The following NAALADL2 variants were observed in gnomAD, a reference collection of about 807,000 sequenced individuals.
NAALADL2 encodes inactive N-acetylated-alpha-linked acidic dipeptidase-like protein 2.
NAALADL2 carries 76 observed loss-of-function variants against 87.2 expected under a neutral mutation model. The ratio of observed to expected loss-of-function variants is 0.87; its 90% CI spans 0.72 to 1.05. NAALADL2 has a LOEUF of 1.05. Among genes scored for constraint, NAALADL2 ranks in the 50% least tolerant of loss-of-function variants. The pLI, the probability that NAALADL2 is intolerant of heterozygous loss-of-function variation, is 0.00. For synonymous variants in NAALADL2, 354 were observed against 331.0 expected (o/e 1.07, Z -0.75); for missense variants, 1,089 against 945.8 (o/e 1.15, Z -1.99).
chr3:174,951,897 C>G (rs1008737049), intron 1 of NAALADL2, among the ~76,000 whole-genome samples: 1 of 151,980 alleles, frequency 6.6e-6, no homozygotes, highest in Admixed American at 6.6e-5. Context: ...TGTTATTATT[C>G]CCCTATATCA....
chr3:175,233,871 AT>A, intron 2 of NAALADL2, 59 bp from the exon 3 acceptor site: 1 of 944,936 alleles, frequency 1.1e-6, no homozygotes, highest in Non-Finnish European at 1.6e-6. Context: ...GAGCAGTCAT[AT>A]CTCAAAAGAA....
At chr3:175,725,631 G>T (rs1742817721) in intron 11 of NAALADL2, among the ~76,000 whole-genome samples, 1 of 152,002 alleles carries the variant, frequency 6.6e-6, no homozygotes, top group South Asian at 2.1e-4. Flanking sequence ...AAAAGGGCTT[G>T]GAAAAAAATT....
intron 2 of NAALADL2, among the ~76,000 whole-genome samples, chr3:174,712,453 T>A (rs982226743): frequency 7.1e-6 from 1 of 140,790 alleles, no homozygotes; most frequent in South Asian, 2.3e-4. Context: ...AATGGCGTGA[T>A]CTTGGCTCAC....
intron 5 of NAALADL2, among the ~76,000 whole-genome samples, chr3:175,357,308 A>T (rs1764491687): frequency 6.6e-6 from 1 of 152,148 alleles, no homozygotes; most frequent in African/African-American, 2.4e-5. Flanking sequence ...ACTCATCTTA[A>T]GTTGGTTACA....
chr3:174,707,497 C>G (rs188647361), intron 2 of NAALADL2, among the ~76,000 whole-genome samples: 2,170 of 151,980 alleles, frequency 0.014, 48 homozygotes, highest in Admixed American at 0.071. Context: ...TCCTTTGTAG[C>G]GACATGGATG....
Position 174,738,665 on chromosome 3 carries a change from G to A in NAALADL2, c.-9+919G>A, listed in dbSNP as rs540582714. Among the ~76,000 whole-genome samples, 5 of 152,184 alleles carry A rather than the reference G, an allele frequency of 3.3e-5. No individual in the cohort carries two copies. In the South Asian group the frequency reaches 1.0e-3, roughly 31 times the overall value. On this transcript the variant is annotated intron_variant, in intron 3 of 3. Transcript: ENST00000434257. ...GGGGGAGGGTTGAATTTGGCCTTGA[G>A]ATTGAATTAATTTCTAAGGTTATTT...
intron 3 of NAALADL2, among the ~76,000 whole-genome samples, chr3:174,783,353 T>G (rs1716225153): frequency 6.6e-6 from 1 of 152,152 alleles, no homozygotes; most frequent in Non-Finnish European, 1.5e-5. Context: ...TACAAGCGTA[T>G]CCCGATGAAG....
intron 9 of NAALADL2, among the ~76,000 whole-genome samples, chr3:175,563,118 C>T (rs1011319213): frequency 6.6e-6 from 1 of 151,926 alleles, no homozygotes; most frequent in African/African-American, 2.4e-5. Context: ...ATATTATGAA[C>T]ATATTCCCTT....
chr3:174,972,086 G>A (rs1251877604), intron 1 of NAALADL2, among the ~76,000 whole-genome samples: 1 of 152,036 alleles, frequency 6.6e-6, no homozygotes. Flanking sequence ...ATTGGTCACA[G>A]TCACCGCCCC....
intron 12 of NAALADL2, among the ~76,000 whole-genome samples, chr3:175,747,758 G>C (rs919746130): frequency 1.3e-5 from 2 of 151,884 alleles, no homozygotes; most frequent in Non-Finnish European, 2.9e-5. Context: ...AACTCCACCT[G>C]AATTTAATTC....
chr3:175,576,046 T>A lies in NAALADL2; in HGVS notation c.1659T>A (p.Asn553Lys). ...PSLQQLVVEKNNFNCTRRAQC... is the reference protein window; with the variant it reads ...PSLQQLVVEKKNFNCTRRAQC... ...ATTTAAATTATGTTTTTCAGAAAAA[T>A]AATTTCAACTGTACCAGAAGAGCCC... Residue 553 changes from asparagine to lysine, a missense_variant, in exon 10 of 14, where the codon AAT (asparagine) becomes AAA (lysine). Coordinates refer to ENST00000454872, the MANE Select transcript of NAALADL2 (RefSeq NM_207015.3). The A allele has an allele frequency of 6.2e-7, 1 of 1,609,618 alleles. No homozygotes were observed. The highest frequency in any genetic ancestry group is 8.5e-7 in the Non-Finnish European group (1 of 1,178,402).
intron 5 of NAALADL2, among the ~76,000 whole-genome samples, chr3:175,446,085 C>A: frequency 6.6e-6 from 1 of 152,056 alleles, no homozygotes; most frequent in East Asian, 1.9e-4. Flanking sequence ...TGAGTTGTTT[C>A]TTTTATTAAT....
At chr3:174,859,788 G>A (rs766928543) in intron 1 of NAALADL2, among the ~76,000 whole-genome samples, 1 of 152,044 alleles carries the variant, frequency 6.6e-6, no homozygotes, top group Non-Finnish European at 1.5e-5. Flanking sequence ...TTTCATGTTG[G>A]ACCTTTTCCA....
At chr3:175,574,030 T>C (rs1337724033) in intron 9 of NAALADL2, among the ~76,000 whole-genome samples, 7 of 152,234 alleles carry the variant, frequency 4.6e-5, no homozygotes. Flanking sequence ...TTTAACTTTG[T>C]TGCAAAGATC....
intron 3 of NAALADL2, among the ~76,000 whole-genome samples, chr3:174,780,822 T>C (rs1715875371): frequency 6.6e-6 from 1 of 152,138 alleles, no homozygotes; most frequent in Admixed American, 6.6e-5. Context: ...CCTGTCATTA[T>C]GATGCTAGCT....
At chr3:174,452,535 G>C (rs764295157) in intron 1 of NAALADL2, among the ~76,000 whole-genome samples, 1 of 152,052 alleles carries the variant, frequency 6.6e-6, no homozygotes, top group Non-Finnish European at 1.5e-5. Flanking sequence ...AGTGACTGGT[G>C]GTCTGAGAGT....
intron 2 of NAALADL2, among the ~76,000 whole-genome samples, chr3:175,177,774 T>G (rs973174963): frequency 6.6e-6 from 1 of 151,976 alleles, no homozygotes; most frequent in African/African-American, 2.4e-5. Context: ...CTGTCCTCAT[T>G]GACTACCAGA....
intron 3 of NAALADL2, among the ~76,000 whole-genome samples, chr3:174,841,568 T>G (rs999529214): frequency 6.6e-6 from 1 of 152,242 alleles, no homozygotes; most frequent in Admixed American, 6.5e-5. Context: ...GTGACTAGGT[T>G]CTACTTGCAA....
At chr3:175,359,522 CAG>C (rs3067324) in intron 5 of NAALADL2, among the ~76,000 whole-genome samples, 29,990 of 151,818 alleles carry the variant, frequency 0.2, 3,344 homozygotes, top group Non-Finnish European at 0.25. Context: ...TTAATGGAAA[CAG>C]AGAGAAATAA....
Sources: gnomAD v4.1 joint callset for allele counts (sites outside exome capture counted in the v4.1 genomes callset) on GRCh38, gnomAD v4.1.1 for gene constraint, MANE v1.5 for transcripts, NCBI Gene and HGNC (gene_info 2026-07-23, HGNC 2026-07-21) for gene names.